SCAPER: variants seen among roughly 807,000 people sequenced by gnomAD.
SCAPER encodes the protein S-phase cyclin A associated protein in the ER.
In SCAPER, 98 loss-of-function variants were observed where a neutral mutation model predicts 182.2. The ratio of observed to expected loss-of-function variants is 0.54; its 90% CI spans 0.46 to 0.64. The LOEUF (loss-of-function observed/expected upper bound fraction) is 0.64. SCAPER is among the 30% of genes least tolerant of loss of function. SCAPER has a pLI of 0.00. For synonymous variants in SCAPER, 605 were observed against 564.6 expected, an observed-to-expected ratio of 1.07 and a Z score of -1.01; for missense variants, 1,432 against 1,690.0, an observed-to-expected ratio of 0.85 and a Z score of 2.68.
rs112590527 is a variant in SCAPER at position 76,885,766 on chromosome 15, T to C, written c.-59-1890A>G. Among the ~76,000 whole-genome samples, 1,138 of 152,306 alleles carry C rather than the reference T, an allele frequency of 7.5e-3. 16 individuals are homozygous for C. The highest frequency in any genetic ancestry group is 0.026 in the African/African-American group (1,084 of 41,548). The stretch of plus-strand genomic sequence containing the variant: ...TCCCAAAGTGCTGGGGTTAAAGGCA[T>C]GTGCCACCATGCACACCTGGCCCTA... On this transcript the variant is annotated intron_variant, in intron 1 of 31. Transcript: ENST00000563290.
rs776838814 is a variant in SCAPER at position 76,381,497 on chromosome 15, T to C, written c.3586A>G (p.Ile1196Val). The C allele has an allele frequency of 6.2e-7, 1 of 1,613,686 alleles. No individual in the cohort carries two copies. The highest frequency in any genetic ancestry group is 1.1e-5 in the South Asian group (1 of 90,954). ...MLYCVLFHGT[I>V]LDPSTASPKE... ...GGACTGGCAGTGCTGGGGTCCAAGA[T>C]GGTGCCATGGAAGAGGACACAGTAG... The change falls in exon 28 of 32, where the codon ATC becomes GTC. Residue 1196 changes from isoleucine (I) to valine (V), a missense_variant. Physicochemically the swap from Ile to Val is conservative, Grantham distance 29. This residue lies in a region of SCAPER where 718 missense variants were observed against 799.7 expected (regional missense o/e 0.90). Coordinates refer to ENST00000563290, the MANE Select transcript of SCAPER (RefSeq NM_020843.4).
chr15:76,817,718 C>T (rs2067199957), intron 5 of SCAPER, among the ~76,000 whole-genome samples: 1 of 151,802 alleles, frequency 6.6e-6, no homozygotes, highest in Non-Finnish European at 1.5e-5. Flanking sequence ...AAACAGAATA[C>T]CATTTACATT....
At chr15:76,859,793 G>A (rs567789717) in intron 3 of SCAPER, among the ~76,000 whole-genome samples, 4 of 151,990 alleles carry the variant, frequency 2.6e-5, no homozygotes, top group Admixed American at 6.6e-5. Context: ...GTGCAGTGGC[G>A]CGATCTCGGC....
chr15:76,717,739 T>A (rs545167854), intron 17 of SCAPER, among the ~76,000 whole-genome samples: 77 of 152,234 alleles, frequency 5.1e-4, no homozygotes, highest in African/African-American at 1.8e-3. Context: ...AGTTCATCAA[T>A]GGGATGTAAC....
At chr15:76,688,898 G>C (rs2058190354) in intron 20 of SCAPER, among the ~76,000 whole-genome samples, 1 of 137,976 alleles carries the variant, frequency 7.2e-6, no homozygotes, top group Admixed American at 8.7e-5. Context: ...GTCCAGGCTG[G>C]AGTGCCCTGG....
At chr15:76,720,086 C>G (rs1307236827) in intron 17 of SCAPER, among the ~76,000 whole-genome samples, 1 of 134,016 alleles carries the variant, frequency 7.5e-6, no homozygotes, top group Admixed American at 7.6e-5. Flanking sequence ...CCCCTCCCCC[C>G]ACCCCACAAC....
chr15:76,410,548 T>C (rs1389901834), intron 26 of SCAPER, among the ~76,000 whole-genome samples: 8 of 152,208 alleles, frequency 5.3e-5, no homozygotes, highest in Admixed American at 5.2e-4. Flanking sequence ...AAGGCTGAGG[T>C]AGATAGAAGC....
In SCAPER at chr15:76,420,857, G is replaced by A. The variant is rs139403361; in HGVS notation, c.3311+13221C>T. Reference sequence around the variant, plus strand: ...CATTGTTCAATTCCCACCTATGAGTGAGAACATGCGGTGTTTGGTTTTTTG... The same window carrying A: ...CATTGTTCAATTCCCACCTATGAGTAAGAACATGCGGTGTTTGGTTTTTTG... On this transcript the variant is annotated intron_variant, in intron 26 of 31. Transcript: ENST00000563290. Among the ~76,000 whole-genome samples, 484 of 152,276 alleles carry A rather than the reference G, an allele frequency of 3.2e-3. 5 individuals carry two copies. The highest frequency in any genetic ancestry group is 0.011 in the African/African-American group (461 of 41,550).
At chr15:76,740,749 C>T (rs1403324894) in intron 15 of SCAPER, among the ~76,000 whole-genome samples, 1 of 151,870 alleles carries the variant, frequency 6.6e-6, no homozygotes, top group Non-Finnish European at 1.5e-5. Flanking sequence ...GATAAAACAA[C>T]TCATAAATGA....
chr15:76,702,714 G>T, intron 19 of SCAPER, 136 bp downstream of exon 19: 1 of 963,200 alleles, frequency 1.0e-6, no homozygotes, highest in Non-Finnish European at 1.5e-6. Flanking sequence ...CTCCTAAAGT[G>T]CTGAAATTAC....
At chr15:76,684,671 C>T (rs2057924788) in intron 20 of SCAPER, among the ~76,000 whole-genome samples, 1 of 151,580 alleles carries the variant, frequency 6.6e-6, no homozygotes, top group South Asian at 2.1e-4. Flanking sequence ...ATGTTTAAAA[C>T]AGTATAAAAA....
intron 27 of SCAPER, among the ~76,000 whole-genome samples, chr15:76,394,043 G>A (rs1439283454): frequency 6.6e-6 from 1 of 152,194 alleles, no homozygotes; most frequent in Non-Finnish European, 1.5e-5. Context: ...ATAGATGGTT[G>A]TTTTATGCCA....
intron 25 of SCAPER, among the ~76,000 whole-genome samples, chr15:76,442,940 A>C (rs904922048): frequency 6.6e-6 from 1 of 152,158 alleles, no homozygotes; most frequent in Non-Finnish European, 1.5e-5. Context: ...ACAGGCAAAA[A>C]CCAGGAAATA....
At position 76,753,935 on chromosome 15, in the gene SCAPER, C is replaced by T. The variant is rs991308443; in HGVS notation, c.1739G>A (p.Arg580Gln). 6 of 1,612,602 alleles carry T rather than the reference C, an allele frequency of 3.7e-6. No homozygotes were observed. The highest frequency in any genetic ancestry group is 5.1e-6 in the Non-Finnish European group (6 of 1,179,094). The change falls in exon 15 of 32, where the codon CGG becomes CAG. Residue 580 changes from arginine (R) to glutamine (Q), a missense_variant. By Grantham distance (43) the Arg-to-Gln change is conservative. This residue lies in a region of SCAPER where 88 missense variants were observed against 184.2 expected (regional missense o/e 0.48). Transcript: ENST00000563290. ...QKLLEREKDVRKWKEELLDQR... is the reference protein window; with the variant it reads ...QKLLEREKDVQKWKEELLDQR... ...ATCTAGCAATTCTTCCTTCCACTTCCGGACATCCTTCTCCTACGTATAGTG... is the reference window on the plus strand; with the variant it reads ...ATCTAGCAATTCTTCCTTCCACTTCTGGACATCCTTCTCCTACGTATAGTG...
rs1342144979 is a variant in SCAPER, at chr15:76,569,551, T to G, written c.2838+4607A>C. Among the ~76,000 whole-genome samples the G allele has an allele frequency of 2.0e-5, 3 of 152,276 alleles. No homozygotes were observed. The East Asian group carries it at 5.8e-4, about 29-fold the overall frequency. ...AACATGGATTTCTTTTTATTTACCC[T>G]GCTTGGGCATCATTGGGCTTCTCGA... On this transcript the variant is annotated intron_variant, in intron 23 of 31. Coordinates refer to ENST00000563290, the MANE Select transcript of SCAPER (RefSeq NM_020843.4).
intron 8 of SCAPER, among the ~76,000 whole-genome samples, chr15:76,786,794 C>T (rs1387370749): frequency 6.6e-6 from 1 of 152,094 alleles, no homozygotes; most frequent in Non-Finnish European, 1.5e-5. Flanking sequence ...TATATGGGTT[C>T]AGTAAAGTTG....
At chr15:76,649,775 A>C (rs371220058) in intron 21 of SCAPER, among the ~76,000 whole-genome samples, 3 of 152,000 alleles carry the variant, frequency 2.0e-5, no homozygotes, top group South Asian at 4.1e-4. Flanking sequence ...TCCATTAAAA[A>C]TTTCATTCAA....
chr15:76,644,158 T>A (rs1213589669), intron 21 of SCAPER, among the ~76,000 whole-genome samples: 2 of 152,148 alleles, frequency 1.3e-5, no homozygotes, highest in African/African-American at 4.8e-5. Flanking sequence ...ATCAAAACTT[T>A]TTCATTCTCA....
intron 4 of SCAPER, among the ~76,000 whole-genome samples, chr15:76,847,376 A>AT (rs1656372182): frequency 7.3e-6 from 1 of 137,372 alleles, no homozygotes; most frequent in Non-Finnish European, 1.6e-5. Context: ...GATAAAAAAT[A>AT]CAAAAAAAAA....
Sources: gnomAD v4.1 joint callset for allele counts (sites outside exome capture counted in the v4.1 genomes callset) on GRCh38, gnomAD v4.1.1 for gene constraint, gnomAD v4.1.1 regional missense constraint, MANE v1.5 for transcripts, NCBI Gene and HGNC (gene_info 2026-07-23, HGNC 2026-07-21) for gene names.